MARK3: variants seen among roughly 807,000 people sequenced by gnomAD.
The protein encoded by MARK3 is MAP/microtubule affinity-regulating kinase 3.
MARK3 carries 46 observed loss-of-function variants against 90.1 expected under a neutral mutation model. The observed-to-expected ratio is 0.51, with a 90% confidence interval of 0.40 to 0.65. The LOEUF (loss-of-function observed/expected upper bound fraction) is 0.65, where lower values mean the gene tolerates loss of function less well. Among genes scored for constraint, MARK3 ranks in the 30% least tolerant of loss-of-function variants. The pLI, the probability that MARK3 is intolerant of heterozygous loss-of-function variation, is 0.00. For missense variants in MARK3, 818 were observed against 947.2 expected (o/e 0.86, Z 1.79); for synonymous variants, 321 against 332.6 (o/e 0.97, Z 0.38).
intron 1 of MARK3, among the ~76,000 whole-genome samples, chr14:103,387,112 A>T (rs2089869476): frequency 6.6e-6 from 1 of 152,230 alleles, no homozygotes; most frequent in African/African-American, 2.4e-5. Context: ...TGCTGGCACG[A>T]AATGTCTTCT....
chr14:103,502,805 G>A (rs1373400461), intron 17 of MARK3, 77 bp from the exon 18 acceptor site: 11 of 1,157,314 alleles, frequency 9.5e-6, no homozygotes, highest in Middle Eastern at 2.0e-4. Flanking sequence ...TCAAAGACGT[G>A]AATGAGGAAC....
At chr14:103,486,610 A>T (rs2093933991) in intron 14 of MARK3, among the ~76,000 whole-genome samples, 1 of 151,918 alleles carries the variant, frequency 6.6e-6, no homozygotes, top group South Asian at 2.1e-4. Flanking sequence ...TCTGGGGGGA[A>T]ATATTATTCG....
chr14:103,484,163 C>T (rs199794555), intron 14 of MARK3, among the ~76,000 whole-genome samples: 2 of 146,274 alleles, frequency 1.4e-5, no homozygotes, highest in Non-Finnish European at 3.0e-5. Context: ...AGAATCTTTT[C>T]TTTTTTTTTT....
chr14:103,429,453 G>C (rs2092513419), intron 3 of MARK3: 1 of 152,194 alleles, frequency 6.6e-6, no homozygotes, highest in Non-Finnish European at 1.5e-5. Context: ...ATTTTGATAA[G>C]AGCAGTGCTC....
chr14:103,386,468 G>T, intron 1 of MARK3: 1 of 512,202 alleles, frequency 2.0e-6, no homozygotes. Context: ...GTTCTTGAGA[G>T]ACTGTCACAT....
intron 3 of MARK3, among the ~76,000 whole-genome samples, chr14:103,435,913 C>T (rs529026477): frequency 3.0e-4 from 45 of 151,940 alleles, no homozygotes; most frequent in Non-Finnish European, 3.2e-4. Flanking sequence ...ATTTATGAGA[C>T]GGAGTCTCCC....
intron 1 of MARK3, among the ~76,000 whole-genome samples, chr14:103,392,493 C>G (rs991843607): frequency 6.6e-6 from 1 of 152,106 alleles, no homozygotes; most frequent in South Asian, 2.1e-4. Flanking sequence ...GGGGACCACT[C>G]TTAAGAATCA....
intron 2 of MARK3, among the ~76,000 whole-genome samples, chr14:103,418,576 C>T (rs769768731): frequency 6.6e-6 from 1 of 152,118 alleles, no homozygotes; most frequent in Non-Finnish European, 1.5e-5. Context: ...ACCCCTCAGT[C>T]ACTTAGTCCT....
chr14:103,481,464 C>G (rs1434627842), intron 14 of MARK3, among the ~76,000 whole-genome samples: 1 of 152,134 alleles, frequency 6.6e-6, no homozygotes, highest in African/African-American at 2.4e-5. Context: ...TTGTGACAGC[C>G]TAATCAAAAA....
At chr14:103,408,915 C>T (rs1229473728) in intron 2 of MARK3, among the ~76,000 whole-genome samples, 1 of 152,048 alleles carries the variant, frequency 6.6e-6, no homozygotes, top group Non-Finnish European at 1.5e-5. Flanking sequence ...CGGAGCTGTC[C>T]TTGTTGTCCT....
At chr14:103,467,543 C>T (rs7148427) in intron 11 of MARK3, 4,258 of 166,084 alleles carry the variant, frequency 0.026, 222 homozygotes, top group African/African-American at 0.097. Flanking sequence ...GGCGTGTTGG[C>T]GCTTGCCTGT....
rs34549338 is a variant in MARK3, at chr14:103,458,950, T to TA, written c.483+1748dup. On this transcript the variant is annotated intron_variant, in intron 6 of 17. Transcript: ENST00000429436. ...TTCTCTGATCCTGTTTTTAAAGCTA[T>TA]AAAAAAAAAAGAAATTATTCTTGAT... Among the ~76,000 whole-genome samples the TA allele has an allele frequency of 2.4e-3, 354 of 148,194 alleles. 7 individuals carry two copies. In the East Asian group the frequency reaches 0.028, roughly 12 times the overall value.
intron 14 of MARK3, among the ~76,000 whole-genome samples, chr14:103,485,111 T>C (rs1290178081): frequency 7.1e-6 from 1 of 140,588 alleles, no homozygotes; most frequent in East Asian, 2.1e-4. Context: ...ATGCCTATAA[T>C]CCCAGCTACT....
chr14:103,403,659 G>A (rs557929870), intron 1 of MARK3, among the ~76,000 whole-genome samples: 26 of 152,264 alleles, frequency 1.7e-4, no homozygotes, highest in Admixed American at 1.6e-3. Context: ...CTAGACTGCA[G>A]TTGATGTAAT....
chr14:103,391,256 C>T (rs1050444230), intron 1 of MARK3, among the ~76,000 whole-genome samples: 3 of 152,130 alleles, frequency 2.0e-5, no homozygotes, highest in Admixed American at 6.5e-5. Context: ...GTAGTGCCAG[C>T]GTTGAGAAAC....
chr14:103,485,427 C>T (rs545493393), intron 14 of MARK3, among the ~76,000 whole-genome samples: 3 of 151,690 alleles, frequency 2.0e-5, no homozygotes, highest in African/African-American at 7.3e-5. Context: ...GCATGGACCA[C>T]CACACCTGGC....
intron 3 of MARK3, among the ~76,000 whole-genome samples, chr14:103,431,753 CCTTA>C (rs2141082257): frequency 6.6e-6 from 1 of 152,282 alleles, no homozygotes; most frequent in African/African-American, 2.4e-5. Flanking sequence ...AGCCTTTTCC[CCTTA>C]CTTCAGACTA....
chr14:103,405,774 A>G (rs1230948740), intron 2 of MARK3, among the ~76,000 whole-genome samples: 1 of 115,360 alleles, frequency 8.7e-6, no homozygotes, highest in African/African-American at 3.4e-5. Flanking sequence ...GTATTTTTGT[A>G]TTTTTGTAGA....
chr14:103,500,348 C>A, intron 17 of MARK3, 148 bp downstream of exon 17: 1 of 611,718 alleles, frequency 1.6e-6, no homozygotes, highest in Non-Finnish European at 2.9e-6. Context: ...GGGGCGCCAG[C>A]CTGCCATGAG....
Sources: gnomAD v4.1 joint callset for allele counts (sites outside exome capture counted in the v4.1 genomes callset) on GRCh38, gnomAD v4.1.1 for gene constraint, MANE v1.5 for transcripts, NCBI Gene and HGNC (gene_info 2026-07-23, HGNC 2026-07-21) for gene names.